Variants in FGF14 observed in about 807,000 individuals in gnomAD.
FGF14 encodes fibroblast growth factor homologous factor 4.
In FGF14, 5 loss-of-function variants were observed where a neutral mutation model predicts 25.5. The ratio of observed to expected loss-of-function variants is 0.20; its 90% CI spans 0.10 to 0.41. The LOEUF (loss-of-function observed/expected upper bound fraction) is 0.41, where lower values mean the gene tolerates loss of function less well. Among genes scored for constraint, FGF14 ranks in the 10% least tolerant of loss-of-function variants. FGF14 has a pLI of 1.00. For missense variants in FGF14, 222 were observed against 320.1 expected, an observed-to-expected ratio of 0.69 and a Z score of 2.34; for synonymous variants, 138 against 118.3, an observed-to-expected ratio of 1.17 and a Z score of -1.08.
At chr13:101,814,744 A>G (rs1451726680) in intron 3 of FGF14, among the ~76,000 whole-genome samples, 1 of 152,238 alleles carries the variant, frequency 6.6e-6, no homozygotes, top group Non-Finnish European at 1.5e-5. Flanking sequence ...GGGATCAGTG[A>G]GTAAGCATTT....
chr13:102,260,405 A>C (rs566773987), intron 1 of FGF14, among the ~76,000 whole-genome samples: 1 of 152,330 alleles, frequency 6.6e-6, no homozygotes, highest in Admixed American at 6.5e-5. Context: ...GAGCAAAGTA[A>C]TGCCCTCCAG....
chr13:102,288,721 G>C (rs7996411), intron 1 of FGF14, among the ~76,000 whole-genome samples: 28,374 of 151,830 alleles, frequency 0.19, 2,694 homozygotes, highest in Non-Finnish European at 0.21. Flanking sequence ...AGTAGCTGAG[G>C]TTACAGGCGC....
chr13:102,263,499 T>TAG (rs1422707365), intron 1 of FGF14, among the ~76,000 whole-genome samples: 2 of 152,170 alleles, frequency 1.3e-5, no homozygotes, highest in African/African-American at 2.4e-5. Flanking sequence ...GTATGAAGAT[T>TAG]AGAGAGAGAT....
chr13:102,346,609 C>T (rs915285305), intron 1 of FGF14, among the ~76,000 whole-genome samples: 50 of 151,774 alleles, frequency 3.3e-4, no homozygotes, highest in Admixed American at 1.2e-3. Context: ...AGAATATATA[C>T]ACATACATAT....
rs555755448 is a variant in FGF14, at chr13:101,961,503, T to C, written c.209-86207A>G. 3.9e-4 allele frequency among the ~76,000 whole-genome samples: 59 copies of C among 152,320 alleles called. No individual in the cohort carries two copies. The South Asian group carries it at 0.012, about 31-fold the overall frequency. On this transcript the variant is annotated intron_variant, in intron 1 of 4. Transcript: ENST00000376131. ...GTTGAAGATCAGGTGGTTGTAGGTG[T>C]CTGGTCTTATTTCTGAGTTCTCTAT...
chr13:101,740,463 G>A (rs2036475957), intron 3 of FGF14, among the ~76,000 whole-genome samples: 1 of 152,176 alleles, frequency 6.6e-6, no homozygotes, highest in South Asian at 2.1e-4. Flanking sequence ...CCAAGGCATT[G>A]GCAATGGAGG....
At chr13:102,132,639 C>T (rs1393844653) in intron 1 of FGF14, among the ~76,000 whole-genome samples, 1 of 151,956 alleles carries the variant, frequency 6.6e-6, no homozygotes, top group Non-Finnish European at 1.5e-5. Flanking sequence ...GCTGCAGCCT[C>T]TCAAGTAGCT....
At chr13:101,917,178 C>G (rs1027552629), upstream of FGF14, among the ~76,000 whole-genome samples, 1 of 150,354 alleles carries the variant, frequency 6.7e-6, no homozygotes, top group Non-Finnish European at 1.5e-5. Flanking sequence ...GTGCCGCCGC[C>G]GGCGCCGCCC....
At chr13:102,061,131 A>T (rs1353919581) in intron 1 of FGF14, among the ~76,000 whole-genome samples, 2 of 152,044 alleles carry the variant, frequency 1.3e-5, no homozygotes, top group Non-Finnish European at 2.9e-5. Flanking sequence ...ACTCAATAAA[A>T]CCTTGCACTC....
intron 1 of FGF14, among the ~76,000 whole-genome samples, chr13:101,982,401 G>T (rs2038320976): frequency 6.6e-6 from 1 of 152,122 alleles, no homozygotes; most frequent in African/African-American, 2.4e-5. Context: ...ACTATGAAAA[G>T]TCTTTAAAAT....
intron 1 of FGF14, among the ~76,000 whole-genome samples, chr13:101,927,448 G>A (rs1375518627): frequency 6.6e-6 from 1 of 152,168 alleles, no homozygotes; most frequent in Non-Finnish European, 1.5e-5. Flanking sequence ...TGGGCTTCGT[G>A]ATCCTCTCAA....
At position 102,355,529 on chromosome 13, in the gene FGF14, G is replaced by A. The variant is rs1203583406; in HGVS notation, c.208+45942C>T. ...TTTGCAGCTTTGACACAGTAGGAATGTTTGCCTTAGGACAGTGGAAACTCC... is the reference window on the plus strand; with the variant it reads ...TTTGCAGCTTTGACACAGTAGGAATATTTGCCTTAGGACAGTGGAAACTCC... On this transcript the variant is annotated intron_variant, in intron 1 of 4. Coordinates refer to the FGF14 transcript ENST00000376131. Among the ~76,000 whole-genome samples, 4 of 150,264 alleles carry A rather than the reference G, an allele frequency of 2.7e-5. No homozygotes were observed. The South Asian group carries it at 6.4e-4, about 24-fold the overall frequency.
chr13:101,906,499 G>A lies in FGF14; in HGVS notation c.193+9954C>T, dbSNP rs181832463. ...AAAAAGACATTAAGCAATGAGAATC[G>A]CACTATTTTAAAGGCTTTTTCAAAA... On this transcript the variant is annotated intron_variant, in intron 1 of 4. Transcript: ENST00000376143. 5.7e-4 allele frequency among the ~76,000 whole-genome samples: 86 copies of A among 152,180 alleles called. 1 individual carries two copies. The highest frequency in any genetic ancestry group is 4.2e-3 in the South Asian group (20 of 4,818).
intron 1 of FGF14, among the ~76,000 whole-genome samples, chr13:102,199,542 T>C (rs577365889): frequency 7.2e-5 from 11 of 152,298 alleles, no homozygotes; most frequent in Middle Eastern, 3.4e-3. Context: ...TCTTTGACAC[T>C]AGACTAGATG....
In FGF14 at chr13:102,386,417, C is replaced by T. The variant is rs1247165011; in HGVS notation, c.208+15054G>A. 2.6e-5 allele frequency among the ~76,000 whole-genome samples: 4 copies of T among 152,126 alleles called. No individual in the cohort carries two copies. The East Asian group carries it at 7.7e-4, about 29-fold the overall frequency. On this transcript the variant is annotated intron_variant, in intron 1 of 4. Coordinates refer to the FGF14 transcript ENST00000376131. ...AAAGTGCTGGGATTACAGGTGTCAG[C>T]CATCGCGCCTGGCCCCTACAAAAAT...
chr13:102,323,968 T>C (rs992285597), intron 1 of FGF14, among the ~76,000 whole-genome samples: 7 of 138,640 alleles, frequency 5.0e-5, no homozygotes, highest in African/African-American at 2.1e-4. Context: ...TGTGTGTGTG[T>C]GTGTGTGTGT....
rs776494941 is a variant in FGF14 at position 101,721,466 on chromosome 13, C to A, written c.*1365G>T. Reference sequence around the variant, plus strand: ...TTTATTTTCATCTAGGATAATTCAACAGACTGTATTCTGAGATCATGGCAA... The same window carrying A: ...TTTATTTTCATCTAGGATAATTCAAAAGACTGTATTCTGAGATCATGGCAA... On this transcript the variant is annotated 3_prime_UTR_variant, in exon 5 of 5. Coordinates refer to ENST00000376143, the MANE Select transcript of FGF14 (RefSeq NM_004115.4). The A allele has an allele frequency of 2.6e-5, 4 of 152,024 alleles. No individual in the cohort carries two copies. The highest frequency in any genetic ancestry group is 5.9e-5 in the Non-Finnish European group (4 of 67,992). The allele number at this position is 152,024 out of a possible 1,614,324, so 9.4% of individuals were successfully genotyped here.
At chr13:102,196,882 G>A (rs907183114) in intron 1 of FGF14, among the ~76,000 whole-genome samples, 1 of 151,798 alleles carries the variant, frequency 6.6e-6, no homozygotes, top group East Asian at 1.9e-4. Context: ...TAAATCACTG[G>A]TGGAGACTAG....
intron 1 of FGF14, among the ~76,000 whole-genome samples, chr13:102,222,782 C>T (rs143498621): frequency 6.6e-6 from 1 of 152,254 alleles, no homozygotes; most frequent in Admixed American, 6.5e-5. Context: ...TTCATGAACA[C>T]ACACTCCTCT....
Sources: gnomAD v4.1 joint callset for allele counts (sites outside exome capture counted in the v4.1 genomes callset) on GRCh38, gnomAD v4.1.1 for gene constraint, MANE v1.5 for transcripts, NCBI Gene and HGNC (gene_info 2026-07-23, HGNC 2026-07-21) for gene names.